The following NME7 variants were observed in gnomAD, a reference collection of about 807,000 sequenced individuals.
The protein encoded by NME7 is nucleoside diphosphate kinase 7.
In NME7, 41 loss-of-function variants were observed where a neutral mutation model predicts 49.1. The observed-to-expected ratio is 0.83, with a 90% CI of 0.65 to 1.08. The LOEUF (loss-of-function observed/expected upper bound fraction) is 1.08, where lower values mean the gene tolerates loss of function less well. NME7 is among the 50% of genes least tolerant of loss of function. The pLI, the probability that NME7 is intolerant of heterozygous loss-of-function variation, is 0.00. For synonymous variants in NME7, 139 were observed against 150.6 expected (o/e 0.92, Z 0.56); for missense variants, 423 against 463.4 (o/e 0.91, Z 0.80).
chr1:169,218,579 AAAAC>A (rs1206487282), intron 10 of NME7, among the ~76,000 whole-genome samples: 2 of 152,144 alleles, frequency 1.3e-5, no homozygotes, highest in African/African-American at 4.8e-5. Flanking sequence ...GAAAAACAGA[AAAAC>A]AAACAAACAA....
intron 6 of NME7, among the ~76,000 whole-genome samples, chr1:169,289,841 T>C (rs1478485758): frequency 1.3e-5 from 2 of 152,120 alleles, no homozygotes; most frequent in Non-Finnish European, 2.9e-5. Context: ...TACTAGGTCA[T>C]TGTTATGGCA....
In NME7 at chr1:169,275,136, A is replaced by C. The variant is rs1649653219; in HGVS notation, c.754+12167T>G. On this transcript the variant is annotated intron_variant, in intron 7 of 11. Transcript: ENST00000367811. ...CTTCCACTTGTTTGTATCCTCTTTT[A>C]TTTCACTGAGCAATGGTTTGTAGTT... Among the ~76,000 whole-genome samples the C allele has an allele frequency of 1.5e-5, 2 of 131,652 alleles. 1 individual carries two copies. The allele number at this position is 131,652 out of a possible 152,430, so 86.4% of individuals were successfully genotyped here. A position where few individuals can be genotyped will look rare whatever the true frequency, so the allele number is the denominator to read the frequency against.
intron 11 of NME7, among the ~76,000 whole-genome samples, chr1:169,138,141 T>C (rs1658485425): frequency 6.6e-6 from 1 of 151,654 alleles, no homozygotes; most frequent in African/African-American, 2.4e-5. Flanking sequence ...CGAAACCTCG[T>C]TTCTACTAAA....
At chr1:169,333,304 A>G (rs1399814020) in intron 1 of NME7, among the ~76,000 whole-genome samples, 1 of 152,176 alleles carries the variant, frequency 6.6e-6, no homozygotes. Flanking sequence ...GGTTATCAGA[A>G]GTTGGGAAGA....
intron 7 of NME7, among the ~76,000 whole-genome samples, chr1:169,278,402 C>G (rs900336537): frequency 3.3e-5 from 5 of 152,028 alleles, no homozygotes; most frequent in Admixed American, 1.3e-4. Context: ...ATTCTTTTCT[C>G]TCTAAACTTC....
chr1:169,286,953 CA>C (rs71121752), intron 7 of NME7: 997 of 118,530 alleles, frequency 8.4e-3, no homozygotes, highest in South Asian at 0.029. Context: ...GACTCTGTCT[CA>C]AAAAAAAAAA....
At chr1:169,246,716 C>T (rs1373020631) in intron 7 of NME7, among the ~76,000 whole-genome samples, 1 of 152,034 alleles carries the variant, frequency 6.6e-6, no homozygotes, top group Non-Finnish European at 1.5e-5. Flanking sequence ...GCAGCTAGGA[C>T]TACAGGCATG....
chr1:169,349,002 G>A (rs545489691), intron 1 of NME7, among the ~76,000 whole-genome samples: 10 of 151,826 alleles, frequency 6.6e-5, no homozygotes, highest in African/African-American at 1.9e-4. Flanking sequence ...GCTTTCTAGC[G>A]TATAATCTTG....
intron 3 of NME7, among the ~76,000 whole-genome samples, chr1:169,315,808 G>C (rs535050072): frequency 1.3e-5 from 2 of 152,102 alleles, no homozygotes; most frequent in Admixed American, 6.5e-5. Flanking sequence ...GTTTCAAACT[G>C]AATAAAAATT....
intron 1 of NME7, among the ~76,000 whole-genome samples, chr1:169,350,370 G>A (rs1379102582): frequency 1.3e-5 from 2 of 151,936 alleles, no homozygotes; most frequent in African/African-American, 2.4e-5. Context: ...GGATAGAGAG[G>A]TATTAATAAA....
intron 1 of NME7, among the ~76,000 whole-genome samples, chr1:169,350,450 G>C (rs1265636780): frequency 6.6e-6 from 1 of 152,018 alleles, no homozygotes; most frequent in Non-Finnish European, 1.5e-5. Flanking sequence ...GAAGACTACA[G>C]CCTGTGCAAA....
chr1:169,274,534 C>T (rs1167959423), intron 7 of NME7, among the ~76,000 whole-genome samples: 2 of 133,730 alleles, frequency 1.5e-5, no homozygotes, highest in East Asian at 2.0e-4. Context: ...GACATGAAGT[C>T]GTCGCCTATG....
chr1:169,205,564 A>G (rs1660652344), intron 10 of NME7, among the ~76,000 whole-genome samples: 1 of 152,102 alleles, frequency 6.6e-6, no homozygotes, highest in African/African-American at 2.4e-5. Flanking sequence ...TTTCCGTTTT[A>G]TTGGTGAAGA....
At chr1:169,353,524 G>A (rs1323860040) in intron 1 of NME7, among the ~76,000 whole-genome samples, 2 of 151,960 alleles carry the variant, frequency 1.3e-5, no homozygotes, top group African/African-American at 4.8e-5. Flanking sequence ...ACAGGCACAG[G>A]CAACCAAAGC....
chr1:169,288,598 C>A (rs1426125693), intron 6 of NME7, among the ~76,000 whole-genome samples: 1 of 151,964 alleles, frequency 6.6e-6, no homozygotes, highest in East Asian at 1.9e-4. Flanking sequence ...TGTTAATGTG[C>A]CACACTGATG....
intron 10 of NME7, among the ~76,000 whole-genome samples, chr1:169,212,135 AC>A (rs1660842653): frequency 6.6e-6 from 1 of 151,748 alleles, no homozygotes; most frequent in African/African-American, 2.4e-5. Flanking sequence ...ATTGTATTAA[AC>A]CCCTTTCAGC....
intron 3 of NME7, among the ~76,000 whole-genome samples, chr1:169,315,007 A>G (rs998938208): frequency 6.6e-6 from 1 of 152,108 alleles, no homozygotes; most frequent in Non-Finnish European, 1.5e-5. Flanking sequence ...AGATATAACA[A>G]TTTAAATCAC....
At chr1:169,365,082 C>A (rs1653802797) in intron 1 of NME7, among the ~76,000 whole-genome samples, 1 of 152,168 alleles carries the variant, frequency 6.6e-6, no homozygotes, top group Non-Finnish European at 1.5e-5. Context: ...TGATGCCACC[C>A]AGATACATGC....
At chr1:169,181,843 C>T (rs1021871607) in intron 10 of NME7, among the ~76,000 whole-genome samples, 8 of 152,110 alleles carry the variant, frequency 5.3e-5, no homozygotes, top group African/African-American at 1.7e-4. Flanking sequence ...CTGAAGCCCT[C>T]CATTTACTCA....
Sources: gnomAD v4.1 joint callset for allele counts (sites outside exome capture counted in the v4.1 genomes callset) on GRCh38, gnomAD v4.1.1 for gene constraint, MANE v1.5 for transcripts, NCBI Gene and HGNC (gene_info 2026-07-23, HGNC 2026-07-21) for gene names.